Variants in GDA observed in about 807,000 individuals in gnomAD.
GDA encodes guanine deaminase.
A neutral mutation model predicts 59.6 loss-of-function variants in GDA; 18 were observed. The ratio of observed to expected loss-of-function variants is 0.30; its 90% confidence interval spans 0.21 to 0.45. The LOEUF is 0.45. Among genes scored for constraint, GDA ranks in the 20% least tolerant of loss-of-function variants. The pLI is 1.00. For missense variants in GDA, 427 were observed against 552.3 expected, an observed-to-expected ratio of 0.77 and a Z score of 2.27; for synonymous variants, 201 against 201.1, an observed-to-expected ratio of 1.00 and a Z score of 0.00.
chr9:72,125,217 T>C (rs1825802675), intron 1 of GDA, among the ~76,000 whole-genome samples: 1 of 152,192 alleles, frequency 6.6e-6, no homozygotes, highest in African/African-American at 2.4e-5. Context: ...AGCACTGGTT[T>C]CTGGTGGCTT....
At position 72,250,711 on chromosome 9, in the gene GDA, A is replaced by T; in HGVS notation, c.*2369A>T. The stretch of plus-strand genomic sequence containing the variant: ...AGAGGCACTTTTCCAAGCCAATCTT[A>T]TTTGTCACTTTTTGTTTTAATATCT... On this transcript the variant is annotated 3_prime_UTR_variant, in exon 14 of 14. Transcript: ENST00000358399. 6.2e-7 allele frequency: 1 copy of T among 1,608,602 alleles called. No homozygotes were observed. Among genetic ancestry groups the T allele is most frequent in the Non-Finnish European group, 8.5e-7 (1 of 1,179,212 alleles).
intron 12 of GDA, 106 bp downstream of exon 12, chr9:72,245,384 G>A: frequency 1.3e-6 from 1 of 783,532 alleles, no homozygotes; most frequent in Non-Finnish European, 2.1e-6. Flanking sequence ...TGGAATGCAG[G>A]AAAATCTTAA....
intron 3 of GDA, among the ~76,000 whole-genome samples, chr9:72,204,048 C>G (rs905442891): frequency 6.6e-6 from 1 of 152,110 alleles, no homozygotes; most frequent in Admixed American, 6.6e-5. Flanking sequence ...AACTCCTGAC[C>G]TCATGATCCA....
At chr9:72,235,292 A>G (rs11143185) in intron 10 of GDA, among the ~76,000 whole-genome samples, 7,128 of 152,240 alleles carry the variant, frequency 0.047, 206 homozygotes, top group African/African-American at 0.085. Context: ...TATTTTAAAA[A>G]CTGAGTGTTA....
intron 1 of GDA, among the ~76,000 whole-genome samples, chr9:72,127,823 A>C (rs1728623776): frequency 6.6e-6 from 1 of 152,160 alleles, no homozygotes; most frequent in African/African-American, 2.4e-5. Flanking sequence ...TTCTATGCAA[A>C]AATAAGGTGT....
At chr9:72,133,582 T>C (rs1454287442) in intron 1 of GDA, among the ~76,000 whole-genome samples, 1 of 152,172 alleles carries the variant, frequency 6.6e-6, no homozygotes, top group African/African-American at 2.4e-5. Context: ...ATAGCAATTA[T>C]TCCCTGATCA....
intron 1 of GDA, 58 bp downstream of exon 1, chr9:72,149,740 C>A (rs954984212): frequency 4.0e-5 from 60 of 1,505,514 alleles, no homozygotes; most frequent in Admixed American, 1.1e-4. Context: ...TGCAAGGAAC[C>A]TGGCGCGGTG....
intron 2 of GDA, among the ~76,000 whole-genome samples, chr9:72,196,108 T>C (rs11143162): frequency 2.0e-5 from 3 of 151,846 alleles, no homozygotes; most frequent in African/African-American, 7.3e-5. Flanking sequence ...TTATATTTCA[T>C]CTACTTTTAG....
chr9:72,147,336 T>C (rs553746955), upstream of GDA, among the ~76,000 whole-genome samples: 1 of 152,286 alleles, frequency 6.6e-6, no homozygotes, highest in East Asian at 1.9e-4. Context: ...CCCTCCTGAG[T>C]AGCTGGGACT....
intron 1 of GDA, among the ~76,000 whole-genome samples, chr9:72,193,152 T>A (rs7870435): frequency 0.32 from 48,130 of 151,952 alleles, 8,007 homozygotes; most frequent in East Asian, 0.55. Flanking sequence ...TTCATTTGGT[T>A]AGGTCATTTT....
At chr9:72,204,032 G>C (rs970325223) in intron 3 of GDA, among the ~76,000 whole-genome samples, 3 of 152,044 alleles carry the variant, frequency 2.0e-5, no homozygotes, top group African/African-American at 7.2e-5. Flanking sequence ...GCTCAGGCTG[G>C]TCTTGAACTC....
At chr9:72,198,364 C>T (rs777961985) in intron 2 of GDA, among the ~76,000 whole-genome samples, 5 of 151,908 alleles carry the variant, frequency 3.3e-5, no homozygotes, top group Non-Finnish European at 7.4e-5. Context: ...ACGGTGAAAC[C>T]CCATCTCTAC....
At chr9:72,145,339 A>G (rs766866802), upstream of GDA, among the ~76,000 whole-genome samples, 15 of 152,196 alleles carry the variant, frequency 9.9e-5, no homozygotes, top group Non-Finnish European at 1.8e-4. Context: ...TGATGAGACA[A>G]TGTATGAGAA....
At chr9:72,197,643 A>T (rs1196803901) in intron 2 of GDA, 1 of 152,122 alleles carries the variant, frequency 6.6e-6, no homozygotes, top group East Asian at 1.9e-4. Context: ...TGGGGGTCGT[A>T]TGTAAGTACT....
At position 72,202,519 on chromosome 9, in the gene GDA, G is replaced by A. The variant is rs1023332333; in HGVS notation, c.213-52G>A. ...GGAAAAAATGTGATTTAAAAATATG[G>A]GAAATGACTGAAGATATTATTAAAT... On this transcript the variant is annotated intron_variant, in intron 2 of 13. Coordinates refer to ENST00000358399, the MANE Select transcript of GDA (RefSeq NM_004293.5). The A allele has an allele frequency of 2.3e-5, 27 of 1,192,280 alleles. 1 individual carries two copies. In the Middle Eastern group the frequency reaches 8.0e-4, roughly 35 times the overall value. 73.9% of individuals were successfully genotyped at this position (1,192,280 alleles called of 1,614,324 possible). A position where few individuals can be genotyped will look rare whatever the true frequency, so the allele number is the denominator to read the frequency against.
intron 6 of GDA, among the ~76,000 whole-genome samples, chr9:72,222,707 G>GT (rs1178774843): frequency 6.6e-6 from 1 of 151,514 alleles, no homozygotes; most frequent in Non-Finnish European, 1.5e-5. Flanking sequence ...TGTTTGGTTG[G>GT]TTTTTTGTTT....
At chr9:72,243,350 C>A (rs2131811716) in intron 11 of GDA, among the ~76,000 whole-genome samples, 1 of 152,294 alleles carries the variant, frequency 6.6e-6, no homozygotes, top group East Asian at 1.9e-4. Context: ...TACTGAATAA[C>A]CCAGTTGGTT....
chr9:72,166,297 G>C (rs1031641493), intron 1 of GDA, among the ~76,000 whole-genome samples: 1 of 151,914 alleles, frequency 6.6e-6, no homozygotes, highest in African/African-American at 2.4e-5. Context: ...ACAAGATTTG[G>C]AAAGGAAATG....
intron 5 of GDA, among the ~76,000 whole-genome samples, chr9:72,218,464 A>AT (rs1183861261): frequency 6.6e-6 from 1 of 152,130 alleles, no homozygotes; most frequent in Non-Finnish European, 1.5e-5. Flanking sequence ...CTATTAATCC[A>AT]TTTTTGTGGT....
Sources: allele counts gnomAD v4.1 joint callset (sites outside exome capture counted in the v4.1 genomes callset), GRCh38; gene constraint gnomAD v4.1.1; transcripts MANE v1.5; gene names NCBI Gene and HGNC (gene_info 2026-07-23, HGNC 2026-07-21).